Variants in COP1 observed in about 807,000 individuals in gnomAD.
COP1 encodes E3 ubiquitin-protein ligase COP1.
COP1 carries 24 observed loss-of-function variants against 101.3 expected under a neutral mutation model. The observed-to-expected ratio is 0.24, with a 90% CI of 0.17 to 0.33. The LOEUF is 0.33. Among genes scored for constraint, COP1 ranks in the 10% least tolerant of loss-of-function variants. COP1 has a pLI of 1.00. For missense variants in COP1, 663 were observed against 906.2 expected, an observed-to-expected ratio of 0.73 and a Z score of 3.45; for synonymous variants, 347 against 341.9, an observed-to-expected ratio of 1.01 and a Z score of -0.17.
At chr1:176,024,675 A>G (rs1209860643) in intron 15 of COP1, among the ~76,000 whole-genome samples, 1 of 152,212 alleles carries the variant, frequency 6.6e-6, no homozygotes, top group Non-Finnish European at 1.5e-5. Context: ...AACTGCAGAT[A>G]TGATTCTACG....
At chr1:176,061,532 A>T (rs1674837153) in intron 11 of COP1, among the ~76,000 whole-genome samples, 2 of 152,212 alleles carry the variant, frequency 1.3e-5, no homozygotes, top group South Asian at 4.1e-4. Flanking sequence ...TGGCTGAGGC[A>T]GGAGAATCAC....
chr1:176,048,595 A>T (rs1671920132), intron 11 of COP1, among the ~76,000 whole-genome samples: 2 of 152,190 alleles, frequency 1.3e-5, no homozygotes, highest in Non-Finnish European at 2.9e-5. Context: ...ATACTACTTT[A>T]TCTGGTAAAG....
At chr1:176,050,040 G>GATTT (rs1672266746) in intron 11 of COP1, among the ~76,000 whole-genome samples, 1 of 152,134 alleles carries the variant, frequency 6.6e-6, no homozygotes, top group South Asian at 2.1e-4. Flanking sequence ...TAAAACAAGA[G>GATTT]ATTTATAAAA....
At position 176,083,863 on chromosome 1, in the gene COP1, C is replaced by T. The variant is rs577703299; in HGVS notation, c.1141+1913G>A. 6.6e-5 allele frequency among the ~76,000 whole-genome samples: 10 copies of T among 152,226 alleles called. No homozygotes were observed. In the East Asian group the frequency reaches 7.7e-4, roughly 12 times the overall value. On this transcript the variant is annotated intron_variant, in intron 10 of 19. Coordinates refer to ENST00000367669, the MANE Select transcript of COP1 (RefSeq NM_022457.7). ...CAATACAATTAGAGTAGCTAGCTAACGTAAGATTCCTGAAAACTAGAGACA... is the reference window on the plus strand; with the variant it reads ...CAATACAATTAGAGTAGCTAGCTAATGTAAGATTCCTGAAAACTAGAGACA...
At chr1:176,183,970 C>T (rs916158655) in intron 2 of COP1, among the ~76,000 whole-genome samples, 9 of 151,866 alleles carry the variant, frequency 5.9e-5, no homozygotes, top group Non-Finnish European at 1.0e-4. Flanking sequence ...TAATGAGTGA[C>T]GAGTTTCAGT....
At chr1:176,124,788 C>A (rs1572386996) in intron 8 of COP1, among the ~76,000 whole-genome samples, 1 of 152,134 alleles carries the variant, frequency 6.6e-6, no homozygotes, top group South Asian at 2.1e-4. Flanking sequence ...ATATACCCAG[C>A]AGTGGGATTG....
chr1:176,074,084 G>A (rs1677509752), intron 11 of COP1, among the ~76,000 whole-genome samples: 3 of 152,016 alleles, frequency 2.0e-5, no homozygotes, highest in African/African-American at 4.8e-5. Context: ...ACGCCACCAT[G>A]CCTGGCTAAT....
At chr1:176,057,048 A>G (rs1011240309) in intron 11 of COP1, among the ~76,000 whole-genome samples, 2 of 152,182 alleles carry the variant, frequency 1.3e-5, no homozygotes, top group Non-Finnish European at 1.5e-5. Context: ...TGAAAATCCT[A>G]TAATTAACTG....
chr1:175,966,390 A>G (rs1157661513), intron 18 of COP1, among the ~76,000 whole-genome samples: 6 of 152,180 alleles, frequency 3.9e-5, no homozygotes, highest in Non-Finnish European at 1.5e-5. Context: ...AGAATTTTAT[A>G]TGGATTACTT....
chr1:176,099,761 T>C (rs899029272), intron 9 of COP1, among the ~76,000 whole-genome samples: 2 of 152,104 alleles, frequency 1.3e-5, no homozygotes, highest in Admixed American at 1.3e-4. Flanking sequence ...AATGGCCTCA[T>C]ACCCTTGTCT....
chr1:176,161,713 C>T (rs1016238124), intron 5 of COP1, among the ~76,000 whole-genome samples: 3 of 152,190 alleles, frequency 2.0e-5, no homozygotes, highest in Non-Finnish European at 4.4e-5. Context: ...TGTCCACAGA[C>T]CTTAACACAA....
At chr1:176,004,559 G>A (rs1468322606) in intron 15 of COP1, among the ~76,000 whole-genome samples, 5 of 152,060 alleles carry the variant, frequency 3.3e-5, no homozygotes, top group Non-Finnish European at 5.9e-5. Flanking sequence ...TTTTTAGCAT[G>A]AAGGGTTGTT....
At chr1:176,063,156 T>G (rs772926887) in intron 11 of COP1, among the ~76,000 whole-genome samples, 1 of 138,768 alleles carries the variant, frequency 7.2e-6, no homozygotes, top group Non-Finnish European at 1.5e-5. Context: ...GCTTCCTGGG[T>G]TCACGCCATT....
rs1665558310 is a variant in COP1, at chr1:176,015,976, TAACGTGA to T, written c.1729+11589_1729+11595del. On this transcript the variant is annotated intron_variant, in intron 15 of 19. Coordinates refer to ENST00000367669, the MANE Select transcript of COP1 (RefSeq NM_022457.7). ...TAAGTAGAACACACATGCTTCAATT[TAACGTGA>T]AGAATGAGATACATGGCTTGGACCA... 1.4e-4 allele frequency among the ~76,000 whole-genome samples: 21 copies of T among 152,270 alleles called. No homozygotes were observed. In the South Asian group the frequency reaches 4.1e-3, roughly 30 times the overall value.
At chr1:176,007,014 A>G (rs1289560713) in intron 15 of COP1, among the ~76,000 whole-genome samples, 1 of 152,012 alleles carries the variant, frequency 6.6e-6, no homozygotes. Context: ...GTCTTTTCAC[A>G]TAGTCCCGTA....
chr1:176,087,909 G>A (rs919042354), intron 9 of COP1, among the ~76,000 whole-genome samples: 1 of 152,156 alleles, frequency 6.6e-6, no homozygotes, highest in African/African-American at 2.4e-5. Flanking sequence ...TATACACCAT[G>A]GAATACTATG....
chr1:176,107,645 T>C (rs576352984), intron 9 of COP1, among the ~76,000 whole-genome samples: 4 of 152,188 alleles, frequency 2.6e-5, no homozygotes, highest in African/African-American at 9.6e-5. Context: ...AACTAACACA[T>C]TAACAATTAT....
intron 15 of COP1, among the ~76,000 whole-genome samples, chr1:175,997,094 G>A (rs1187939367): frequency 8.6e-5 from 13 of 151,974 alleles, no homozygotes; most frequent in East Asian, 3.9e-4. Flanking sequence ...AAATAATGCC[G>A]CGTACCTACA....
At chr1:176,188,376 C>T (rs1460630508) in intron 1 of COP1, among the ~76,000 whole-genome samples, 2 of 152,050 alleles carry the variant, frequency 1.3e-5, no homozygotes, top group Non-Finnish European at 2.9e-5. Context: ...TAATGAAATA[C>T]CATTAATTCT....
Sources: gnomAD v4.1 joint callset for allele counts (sites outside exome capture counted in the v4.1 genomes callset) on GRCh38, gnomAD v4.1.1 for gene constraint, MANE v1.5 for transcripts, NCBI Gene and HGNC (gene_info 2026-07-23, HGNC 2026-07-21) for gene names.